PHF21A: variants seen among roughly 807,000 people sequenced by gnomAD.
PHF21A encodes the protein PHD finger protein 21A.
Under a neutral mutation model 82.5 loss-of-function variants are expected in PHF21A, and 11 were observed. That is an observed-to-expected ratio of 0.13 (90% confidence interval 0.08 to 0.22). The LOEUF (loss-of-function observed/expected upper bound fraction) is 0.22. Ranked by LOEUF, PHF21A falls within the 10% of genes least tolerant of loss-of-function variation. PHF21A has a pLI of 1.00. For missense variants in PHF21A, 579 were observed against 837.8 expected (o/e 0.69, Z 3.81); for synonymous variants, 297 against 302.8 (o/e 0.98, Z 0.20).
At chr11:46,110,376 T>C (rs117174409) in intron 1 of PHF21A, among the ~76,000 whole-genome samples, 5 of 152,286 alleles carry the variant, frequency 3.3e-5, no homozygotes, top group East Asian at 3.9e-4. Flanking sequence ...GGGCATTTCA[T>C]TAAAAAAGAA....
At chr11:46,078,786 T>C (rs1255794471) in intron 5 of PHF21A, among the ~76,000 whole-genome samples, 1 of 152,072 alleles carries the variant, frequency 6.6e-6, no homozygotes, top group Admixed American at 6.5e-5. Flanking sequence ...TTTCATAATA[T>C]TGGGATGACA....
At chr11:46,074,440 G>A (rs1725884222) in intron 6 of PHF21A, among the ~76,000 whole-genome samples, 2 of 144,880 alleles carry the variant, frequency 1.4e-5, no homozygotes, top group Middle Eastern at 3.5e-3. Flanking sequence ...TCTGCCAGAG[G>A]ATAAGTGGCT....
chr11:45,994,993 A>C lies in PHF21A; in HGVS notation c.154-15027T>G, dbSNP rs147844953. Among the ~76,000 whole-genome samples, 1,398 of 152,356 alleles carry C rather than the reference A, an allele frequency of 9.2e-3. 22 individuals carry two copies. The highest frequency in any genetic ancestry group is 0.032 in the African/African-American group (1,332 of 41,582). On this transcript the variant is annotated intron_variant, in intron 6 of 18. Transcript: ENST00000676320. ...ATCTTGAGCCCACAGAAATGTGTAT[A>C]ATCTCTGTGCTATATGCAGACCTGG...
At chr11:45,958,918 C>T (rs1454043212) in intron 10 of PHF21A, among the ~76,000 whole-genome samples, 1 of 151,606 alleles carries the variant, frequency 6.6e-6, no homozygotes, top group Non-Finnish European at 1.5e-5. Context: ...ACCCTGCCTC[C>T]AAAAAAACAA....
At chr11:46,117,817 A>G (rs1019527380) in intron 1 of PHF21A, 7 of 152,252 alleles carry the variant, frequency 4.6e-5, no homozygotes, top group African/African-American at 1.7e-4. Context: ...ACCAAGGGCC[A>G]GAATCCTTAT....
At chr11:46,087,675 G>T (rs1284068388) in intron 3 of PHF21A, among the ~76,000 whole-genome samples, 1 of 152,136 alleles carries the variant, frequency 6.6e-6, no homozygotes, top group African/African-American at 2.4e-5. Context: ...GTTGAATCTT[G>T]TTTGTTTAAT....
intron 6 of PHF21A, among the ~76,000 whole-genome samples, chr11:46,068,559 A>G (rs905009317): frequency 1.2e-4 from 19 of 152,190 alleles, no homozygotes; most frequent in African/African-American, 4.1e-4. Flanking sequence ...ATGCAAAAGA[A>G]AAAAGACAGA....
At position 46,014,944 on chromosome 11, in the gene PHF21A, C is replaced by T. The variant is rs1277484226; in HGVS notation, c.154-34978G>A. Among the ~76,000 whole-genome samples, 3 of 45,148 alleles carry T rather than the reference C, an allele frequency of 6.6e-5. 1 individual carries two copies. The highest frequency in any genetic ancestry group is 1.0e-4 in the Non-Finnish European group (3 of 29,314). 29.6% of individuals were successfully genotyped at this position (45,148 alleles called of 152,430 possible). ...GCAGTGAGCCGAGATCCCGCCACTG[C>T]ACTCCAGCCTGGGCGACAGAGCGAG... On this transcript the variant is annotated intron_variant, in intron 6 of 18. Transcript: ENST00000676320.
chr11:45,975,387 C>CAAAAT (rs1417284473), intron 7 of PHF21A, among the ~76,000 whole-genome samples: 4 of 139,840 alleles, frequency 2.9e-5, no homozygotes, highest in African/African-American at 3.0e-5. Context: ...TAAAACAAAA[C>CAAAAT]AAAATAAAAT....
chr11:45,968,260 C>T (rs974867488), intron 9 of PHF21A, among the ~76,000 whole-genome samples: 1 of 152,198 alleles, frequency 6.6e-6, no homozygotes, highest in African/African-American at 2.4e-5. Flanking sequence ...AAACATAAAT[C>T]TGACCACATC....
intron 6 of PHF21A, among the ~76,000 whole-genome samples, chr11:46,014,491 T>G (rs2095475128): frequency 6.6e-6 from 1 of 152,210 alleles, no homozygotes. Flanking sequence ...AAGTGTACTT[T>G]TTGGTAGACT....
At chr11:45,985,942 CAG>C (rs949744907) in intron 6 of PHF21A, among the ~76,000 whole-genome samples, 3 of 152,050 alleles carry the variant, frequency 2.0e-5, no homozygotes, top group African/African-American at 7.2e-5. Context: ...CTGTAATTAT[CAG>C]AGATTTTTTT....
chr11:46,045,245 C>T (rs1398862103), intron 6 of PHF21A, among the ~76,000 whole-genome samples: 1 of 152,210 alleles, frequency 6.6e-6, no homozygotes, highest in African/African-American at 2.4e-5. Flanking sequence ...TCACTATGTA[C>T]TGCCCTGGTC....
At position 45,938,420 on chromosome 11, in the gene PHF21A, C is replaced by T. The variant is rs552436316; in HGVS notation, c.1453-108G>A. 1.2e-4 allele frequency: 100 copies of T among 852,974 alleles called. No individual in the cohort carries two copies. In the African/African-American group the frequency reaches 1.4e-3, roughly 12 times the overall value. 52.8% of individuals were successfully genotyped at this position (852,974 alleles called of 1,614,324 possible). A position where few individuals can be genotyped will look rare whatever the true frequency, so the allele number is the denominator to read the frequency against. On this transcript the variant is annotated intron_variant, in intron 15 of 18. Coordinates refer to ENST00000676320, the MANE Select transcript of PHF21A (RefSeq NM_001352027.3). ...AATGTTTTAGGACAATCAGCTGCCT[C>T]GTTCCAGGAGTACTCAAGAGAAGCA...
At chr11:46,020,726 T>C (rs1460368851) in intron 6 of PHF21A, among the ~76,000 whole-genome samples, 1 of 152,212 alleles carries the variant, frequency 6.6e-6, no homozygotes, top group Admixed American at 6.5e-5. Context: ...ACAACCTGTT[T>C]TGAATGCTGA....
At chr11:46,010,847 A>G (rs1354658771) in intron 6 of PHF21A, among the ~76,000 whole-genome samples, 1 of 152,212 alleles carries the variant, frequency 6.6e-6, no homozygotes, top group African/African-American at 2.4e-5. Flanking sequence ...CAGTTCATTC[A>G]TAAGTCTGAA....
intron 7 of PHF21A, 24 bp downstream of exon 7, chr11:45,979,722 ACAATCTGCAGCCTG>A: frequency 6.2e-7 from 1 of 1,612,518 alleles, no homozygotes; most frequent in Non-Finnish European, 8.5e-7. Context: ...AAATCAGTCT[ACAATCTGCAGCCTG>A]CAATGTTCCA....
rs1566104493 is a variant in PHF21A, at chr11:46,120,237, C to A, written c.-237+698G>T. Among the ~76,000 whole-genome samples, 3 of 146,120 alleles carry A rather than the reference C, an allele frequency of 2.1e-5. 1 individual carries two copies. In the South Asian group the frequency reaches 6.6e-4, roughly 32 times the overall value. On this transcript the variant is annotated intron_variant, in intron 1 of 18. Transcript: ENST00000676320. ...TCAGTCAACAAACAAGATGGTTTTC[C>A]AAAAAAAAATTTTTTTTAATTAAAT... is the stretch of plus-strand genomic sequence containing the variant.
intron 17 of PHF21A, 30 bp from the exon 18 acceptor site, chr11:45,935,769 C>T (rs374820378): frequency 1.6e-4 from 149 of 914,548 alleles, no homozygotes; most frequent in Non-Finnish European, 2.2e-4. Context: ...AAAAAAGGAA[C>T]GGTTTTTGAC....
Sources: gnomAD v4.1 joint callset for allele counts (sites outside exome capture counted in the v4.1 genomes callset) on GRCh38, gnomAD v4.1.1 for gene constraint, MANE v1.5 for transcripts, NCBI Gene and HGNC (gene_info 2026-07-23, HGNC 2026-07-21) for gene names.